Variants in KIZ observed in about 807,000 individuals in gnomAD.
KIZ encodes the protein centrosomal protein kizuna.
In KIZ, 68 loss-of-function variants were observed where a neutral mutation model predicts 79.6. That is an observed-to-expected ratio of 0.85 (90% confidence interval 0.70 to 1.05). KIZ has a LOEUF of 1.05. Ranked by LOEUF, KIZ falls within the 50% of genes least tolerant of loss-of-function variation. The probability of loss-of-function intolerance (pLI) is 0.00; values close to 1 mark genes in which losing one functional copy is unlikely to be tolerated. For synonymous variants in KIZ, 280 were observed against 281.8 expected (o/e 0.99, Z 0.06); for missense variants, 797 against 800.4 (o/e 1.00, Z 0.05).
At chr20:21,166,148 A>AT (rs34056823) in intron 6 of KIZ, 260,538 of 660,710 alleles carry the variant, frequency 0.39, 25,266 homozygotes, top group Middle Eastern at 0.42. Context: ...TGTATTTTGT[A>AT]TTTTTTTTTT....
chr20:21,207,464 G>T (rs1474227358), intron 7 of KIZ, among the ~76,000 whole-genome samples: 1 of 94,686 alleles, frequency 1.1e-5, no homozygotes, highest in Admixed American at 1.7e-4. Context: ...CCCCATCTTC[G>T]TACCCCCCTC....
Position 21,162,258 on chromosome 20 carries a change from T to C in KIZ, c.793T>C (p.Leu265=). ...GSNTRHGKSN[L]SEGKKSAELN... ...TAACACACGTCATGGCAAGAGTAAT[T>C]TATCTGAAGGCAAAAAGTCTGCTGA... The change falls in exon 5 of 13, where the codon TTA becomes CTA. Residue 265 remains leucine (L), a synonymous_variant. Transcript: ENST00000619189. 1 of 1,613,996 alleles carries C rather than the reference T, an allele frequency of 6.2e-7. No homozygotes were observed. Among genetic ancestry groups the C allele is most frequent in the African/African-American group, 1.3e-5 (1 of 75,038 alleles).
intron 6 of KIZ, among the ~76,000 whole-genome samples, chr20:21,182,226 A>G (rs2034683736): frequency 6.6e-6 from 1 of 150,610 alleles, no homozygotes; most frequent in African/African-American, 2.4e-5. Context: ...AAGAGACACA[A>G]GAGAGCTCTG....
chr20:21,161,207 C>T (rs1349698923), intron 4 of KIZ, among the ~76,000 whole-genome samples: 1 of 152,116 alleles, frequency 6.6e-6, no homozygotes, highest in Non-Finnish European at 1.5e-5. Flanking sequence ...AGTTATATGA[C>T]TTCTTTATGT....
At chr20:21,214,313 A>C (rs2036195716) in intron 7 of KIZ, among the ~76,000 whole-genome samples, 1 of 152,184 alleles carries the variant, frequency 6.6e-6, no homozygotes, top group African/African-American at 2.4e-5. Flanking sequence ...CAGCCCTCAA[A>C]AAGTGTATTA....
At chr20:21,141,718 G>A (rs1042544945) in intron 3 of KIZ, among the ~76,000 whole-genome samples, 1 of 151,874 alleles carries the variant, frequency 6.6e-6, no homozygotes, top group Non-Finnish European at 1.5e-5. Context: ...GGCCTGAAAT[G>A]CTGGCCCAGG....
At chr20:21,179,000 A>G (rs780403414) in intron 6 of KIZ, among the ~76,000 whole-genome samples, 27 of 152,100 alleles carry the variant, frequency 1.8e-4, no homozygotes, top group Non-Finnish European at 3.5e-4. Context: ...ATTTGTGTCT[A>G]TATTCATTAG....
chr20:21,236,518 C>T (rs2037012277), intron 11 of KIZ, among the ~76,000 whole-genome samples: 1 of 152,118 alleles, frequency 6.6e-6, no homozygotes, highest in Non-Finnish European at 1.5e-5. Flanking sequence ...TAATAAGACT[C>T]CAGAACTGGA....
chr20:21,166,452 C>T (rs1027376265), intron 6 of KIZ: 10 of 1,587,704 alleles, frequency 6.3e-6, no homozygotes, highest in Non-Finnish European at 7.7e-6. Flanking sequence ...ATTTCAAATT[C>T]GCCAGTGTAA....
In KIZ at chr20:21,163,165, CCATT is replaced by C; in HGVS notation, c.1352+9_1352+12del. ...ACTAACGCACCAACAAGAGAGTAAG[CCATT>C]CAATTTTTTTTTTCTACTGTTCTGT... On this transcript the variant is annotated splice_region_variant and intron_variant, in intron 6 of 12. Coordinates refer to ENST00000619189, the MANE Select transcript of KIZ (RefSeq NM_018474.6). The C allele has an allele frequency of 6.3e-7, 1 of 1,583,966 alleles. No homozygotes were observed. Among genetic ancestry groups the C allele is most frequent in the Admixed American group, 1.8e-5 (1 of 54,250 alleles).
chr20:21,186,708 A>T (rs989965648), intron 6 of KIZ, among the ~76,000 whole-genome samples: 1 of 152,064 alleles, frequency 6.6e-6, no homozygotes, highest in Middle Eastern at 3.4e-3. Context: ...CTACTAAAAT[A>T]TATCTGAGAA....
At chr20:21,227,913 A>C (rs1461138148) in intron 9 of KIZ, among the ~76,000 whole-genome samples, 1 of 152,214 alleles carries the variant, frequency 6.6e-6, no homozygotes, top group Non-Finnish European at 1.5e-5. Flanking sequence ...GTTGCCTTAG[A>C]ATTTATTATA....
chr20:21,136,560 C>T lies in KIZ; in HGVS notation c.315+8C>T. 1 of 1,526,700 alleles carries T rather than the reference C, an allele frequency of 6.6e-7. No individual in the cohort carries two copies. Among genetic ancestry groups the T allele is most frequent in the Non-Finnish European group, 8.8e-7 (1 of 1,137,490 alleles). The allele number at this position is 1,526,700 out of a possible 1,614,324, so 94.6% of individuals were successfully genotyped here. On this transcript the variant is annotated splice_region_variant and intron_variant, in intron 3 of 12. Transcript: ENST00000619189. ...AAGCTTCAAAAACTGAAGGTGACTT[C>T]CTGTTTTTTACTGTGTTTTATTTTA...
chr20:21,187,831 C>A (rs2034950054), intron 6 of KIZ, among the ~76,000 whole-genome samples: 2 of 152,130 alleles, frequency 1.3e-5, no homozygotes, highest in Non-Finnish European at 2.9e-5. Flanking sequence ...CTAGTAAATT[C>A]TTTATGATAT....
chr20:21,153,953 A>G (rs1381402365), intron 4 of KIZ: 2 of 152,296 alleles, frequency 1.3e-5, no homozygotes, highest in South Asian at 4.1e-4. Context: ...ATTGGACACA[A>G]TTCAGTGTGT....
rs137974266 is a variant in KIZ at position 21,140,598 on chromosome 20, G to A, written c.315+4046G>A. On this transcript the variant is annotated intron_variant, in intron 3 of 12. Transcript: ENST00000619189. ...TTCAGGGCTTTTAAAGGATATTGACGTGTTATGTAGTTTTGAAAATACAGT... is the reference window on the plus strand; with the variant it reads ...TTCAGGGCTTTTAAAGGATATTGACATGTTATGTAGTTTTGAAAATACAGT... Among the ~76,000 whole-genome samples the A allele has an allele frequency of 9.7e-4, 148 of 152,272 alleles. No individual in the cohort carries two copies. In the East Asian group the frequency reaches 0.024, roughly 24 times the overall value.
chr20:21,214,704 A>T lies in KIZ; in HGVS notation c.1612+4A>T. ...AGTGTTCCTACAAGGGAACAAGGTA[A>T]CTATTGTTAAAGTGTGTGTCCACAG... On this transcript the variant is annotated splice_donor_region_variant and intron_variant, in intron 8 of 12. Coordinates refer to ENST00000619189, the MANE Select transcript of KIZ (RefSeq NM_018474.6). 6.2e-7 allele frequency: 1 copy of T among 1,604,586 alleles called. No homozygotes were observed.
chr20:21,144,590 A>G (rs1449077322), intron 3 of KIZ, among the ~76,000 whole-genome samples: 1 of 151,134 alleles, frequency 6.6e-6, no homozygotes, highest in Non-Finnish European at 1.5e-5. Flanking sequence ...TCTGCTGGAG[A>G]AAAAAAAATC....
At chr20:21,168,164 T>C (rs547434696) in intron 6 of KIZ, among the ~76,000 whole-genome samples, 66 of 152,258 alleles carry the variant, frequency 4.3e-4, no homozygotes, top group African/African-American at 1.4e-3. Flanking sequence ...AGTGAGAACA[T>C]GCGGTGTTTG....
Sources: gnomAD v4.1 joint callset for allele counts (sites outside exome capture counted in the v4.1 genomes callset) on GRCh38, gnomAD v4.1.1 for gene constraint, MANE v1.5 for transcripts, NCBI Gene and HGNC (gene_info 2026-07-23, HGNC 2026-07-21) for gene names.